ZBTB20: variants seen among roughly 807,000 people sequenced by gnomAD.
The protein encoded by ZBTB20 is zinc finger and BTB domain containing 20, also known as zinc finger and BTB domain-containing protein 20.
In ZBTB20, 9 loss-of-function variants were observed where a neutral mutation model predicts 56.9. The ratio of observed to expected loss-of-function variants is 0.16; its 90% CI spans 0.10 to 0.28. The LOEUF (loss-of-function observed/expected upper bound fraction) is 0.28. Ranked by LOEUF, ZBTB20 falls within the 10% of genes least tolerant of loss-of-function variation. ZBTB20 has a pLI of 1.00. For synonymous variants in ZBTB20, 417 were observed against 420.7 expected, an observed-to-expected ratio of 0.99 and a Z score of 0.11; for missense variants, 655 against 1,003.0, an observed-to-expected ratio of 0.65 and a Z score of 4.69.
At chr3:114,521,965 ACTCT>A (rs773013421) in intron 6 of ZBTB20, among the ~76,000 whole-genome samples, 2 of 152,092 alleles carry the variant, frequency 1.3e-5, no homozygotes, top group Non-Finnish European at 1.5e-5. Flanking sequence ...TTTACTGAAC[ACTCT>A]CTATGTGCCA....
At chr3:114,616,551 A>G (rs760865169) in intron 6 of ZBTB20, among the ~76,000 whole-genome samples, 11 of 152,170 alleles carry the variant, frequency 7.2e-5, no homozygotes, top group Non-Finnish European at 1.3e-4. Context: ...TAATCTCTGC[A>G]GGCTCCTCTT....
chr3:115,064,193 C>T (rs2082118557), intron 2 of ZBTB20, among the ~76,000 whole-genome samples: 1 of 152,066 alleles, frequency 6.6e-6, no homozygotes, highest in African/African-American at 2.4e-5. Flanking sequence ...AGAAGTTATC[C>T]AGTAACTTCC....
chr3:115,088,644 C>T (rs940739027), intron 1 of ZBTB20, among the ~76,000 whole-genome samples: 3 of 151,688 alleles, frequency 2.0e-5, no homozygotes, highest in African/African-American at 7.3e-5. Context: ...GCTATCCATA[C>T]AGGATAAGTG....
At chr3:114,680,548 C>A (rs767765441) in intron 6 of ZBTB20, among the ~76,000 whole-genome samples, 3 of 152,184 alleles carry the variant, frequency 2.0e-5, no homozygotes, top group Non-Finnish European at 4.4e-5. Flanking sequence ...TACAATGTCA[C>A]AACCAGTGCT....
In ZBTB20 at chr3:114,350,826, C is replaced by T. The variant is rs762143926; in HGVS notation, c.1252G>A (p.Glu418Lys). The change falls in exon 11 of 12, where the codon GAG (glutamate) becomes AAG (lysine). Residue 418 changes from glutamate (E) to lysine (K), a missense_variant. Coordinates refer to ENST00000675478, the MANE Select transcript of ZBTB20 (RefSeq NM_001348800.3). ...AGCTGGTTTGTCTGCGGACCACCCTCAGCGGGGGCTTCTGCAGCCTGCTCG... is the reference window on the plus strand; with the variant it reads ...AGCTGGTTTGTCTGCGGACCACCCTTAGCGGGGGCTTCTGCAGCCTGCTCG... ...QPEQAAEAPAEGGPQTNQLET... is the reference protein window; with the variant it reads ...QPEQAAEAPAKGGPQTNQLET... 1.9e-6 allele frequency: 3 copies of T among 1,613,328 alleles called. No homozygotes were observed. Among genetic ancestry groups the T allele is most frequent in the Middle Eastern group, 3.3e-4 (2 of 6,062 alleles).
chr3:115,049,626 CA>C (rs1560525905), intron 2 of ZBTB20, among the ~76,000 whole-genome samples: 1 of 152,038 alleles, frequency 6.6e-6, no homozygotes. Context: ...TGGCAGTGCT[CA>C]AAAAGTTTTG....
chr3:114,738,240 C>A (rs970711411), intron 5 of ZBTB20, among the ~76,000 whole-genome samples: 1 of 150,958 alleles, frequency 6.6e-6, no homozygotes, highest in Admixed American at 6.6e-5. Context: ...TTGAATTGTA[C>A]AATAAGCACT....
intron 1 of ZBTB20, among the ~76,000 whole-genome samples, chr3:115,132,615 G>A (rs2084539135): frequency 1.3e-5 from 2 of 151,980 alleles, no homozygotes; most frequent in Non-Finnish European, 2.9e-5. Context: ...TAACAATTTA[G>A]GCCATGTGCA....
At position 114,351,358 on chromosome 3, in the gene ZBTB20, C is replaced by G. The variant is rs1185890527; in HGVS notation, c.720G>C (p.Val240=). 3 of 1,610,496 alleles carry G rather than the reference C, an allele frequency of 1.9e-6. No homozygotes were observed. The South Asian group carries it at 3.3e-5, about 18-fold the overall frequency. ...GYLQSHPQHS[V]DRIYSALYAC... is the part of the protein sequence containing the mutation. ...CGTAGAGTGCCGAGTAGATCCTGTC[C>G]ACGCTGTGCTGTGGGTGGCTCTGCA... The change falls in exon 11 of 12, where the codon GTG becomes GTC. Residue 240 remains valine (V), a synonymous_variant. Transcript: ENST00000675478.
chr3:114,576,227 T>C (rs556218632), intron 6 of ZBTB20, among the ~76,000 whole-genome samples: 28 of 151,842 alleles, frequency 1.8e-4, no homozygotes, highest in Admixed American at 3.3e-4. Flanking sequence ...TAGCCGGGCG[T>C]GGTGGCTCAC....
intron 7 of ZBTB20, among the ~76,000 whole-genome samples, chr3:114,479,234 T>G (rs1222693749): frequency 1.3e-5 from 2 of 152,090 alleles, no homozygotes; most frequent in Admixed American, 1.3e-4. Flanking sequence ...GCACAGAAGG[T>G]GCTGAAAAAT....
intron 6 of ZBTB20, among the ~76,000 whole-genome samples, chr3:114,661,418 T>C (rs1402766518): frequency 2.6e-5 from 4 of 152,162 alleles, no homozygotes; most frequent in African/African-American, 9.7e-5. Flanking sequence ...TCAGAGCCAA[T>C]TCAAGACCTT....
intron 1 of ZBTB20, among the ~76,000 whole-genome samples, chr3:115,143,882 G>C (rs943498306): frequency 6.6e-6 from 1 of 152,050 alleles, no homozygotes; most frequent in Non-Finnish European, 1.5e-5. Flanking sequence ...TCAAACTTCT[G>C]TAGGCTCTTT....
chr3:114,521,821 T>C (rs1378108361), intron 6 of ZBTB20, among the ~76,000 whole-genome samples: 1 of 152,198 alleles, frequency 6.6e-6, no homozygotes, highest in Non-Finnish European at 1.5e-5. Context: ...CAAAATTAAT[T>C]TTGAAGAATA....
intron 1 of ZBTB20, among the ~76,000 whole-genome samples, chr3:115,121,928 T>C (rs530323106): frequency 6.6e-6 from 1 of 152,128 alleles, no homozygotes; most frequent in South Asian, 2.1e-4. Context: ...ATTTTTAAAT[T>C]TGGAAATTTT....
chr3:115,022,546 AAGTTT>A (rs1372417699), intron 2 of ZBTB20, among the ~76,000 whole-genome samples: 1 of 151,090 alleles, frequency 6.6e-6, no homozygotes, highest in East Asian at 1.9e-4. Context: ...TGACAGAGCC[AAGTTT>A]ATTGCCATAG....
chr3:114,579,763 T>A (rs776607284), intron 6 of ZBTB20, among the ~76,000 whole-genome samples: 1 of 151,464 alleles, frequency 6.6e-6, no homozygotes, highest in Non-Finnish European at 1.5e-5. Flanking sequence ...TTAAAAATCA[T>A]AAGAATATAT....
At chr3:114,871,485 A>G (rs1304192305) in intron 4 of ZBTB20, among the ~76,000 whole-genome samples, 2 of 152,150 alleles carry the variant, frequency 1.3e-5, no homozygotes, top group Non-Finnish European at 2.9e-5. Context: ...CCCTAATACC[A>G]GCTTAGGCTA....
chr3:115,012,278 G>A (rs1422688764), intron 2 of ZBTB20, among the ~76,000 whole-genome samples: 3 of 151,642 alleles, frequency 2.0e-5, no homozygotes, highest in Non-Finnish European at 4.4e-5. Context: ...GTGGATGAAT[G>A]AACAAACAAA....
Sources: gnomAD v4.1 joint callset for allele counts (sites outside exome capture counted in the v4.1 genomes callset) on GRCh38, gnomAD v4.1.1 for gene constraint, MANE v1.5 for transcripts, NCBI Gene and HGNC (gene_info 2026-07-23, HGNC 2026-07-21) for gene names.